NXPE3: variants seen among roughly 807,000 people sequenced by gnomAD.
NXPE3 encodes the protein neurexophilin and PC-esterase domain family member 3.
A neutral mutation model predicts 46.1 loss-of-function variants in NXPE3; 26 were observed. That is an observed-to-expected ratio of 0.56 (90% CI 0.41 to 0.78). The LOEUF (loss-of-function observed/expected upper bound fraction) is 0.78, where lower values mean the gene tolerates loss of function less well. Ranked by LOEUF, NXPE3 falls within the 30% of genes least tolerant of loss-of-function variation. NXPE3 has a pLI of 0.00. For synonymous variants in NXPE3, 272 were observed against 257.9 expected, an observed-to-expected ratio of 1.05 and a Z score of -0.52; for missense variants, 620 against 686.0, an observed-to-expected ratio of 0.90 and a Z score of 1.07.
At chr3:101,814,196 T>C (rs1378237343) in intron 6 of NXPE3, among the ~76,000 whole-genome samples, 1 of 152,186 alleles carries the variant, frequency 6.6e-6, no homozygotes, top group African/African-American at 2.4e-5. Flanking sequence ...TTCTAGTAAA[T>C]GTTTTCTGTG....
Position 101,821,777 on chromosome 3 carries a change from C to G in NXPE3, c.1503C>G (p.Tyr501Ter), listed in dbSNP as rs1942268526. Residue 501 changes from tyrosine to a stop codon, truncating the protein, a stop_gained, in exon 8 of 8, where the codon TAC (tyrosine) becomes TAG (stop). Transcript: ENST00000273347. LOFTEE classifies it high-confidence loss of function. ...TGAGCCTTTTCAACAGCGACTGGTA[C>G]AACTTTCAGCTGGACACCATCCTTC... The part of the protein sequence containing the change: ...PEVSLFNSDW[Y>*]NFQLDTILRR... The G allele has an allele frequency of 1.9e-6, 3 of 1,614,084 alleles. No homozygotes were observed. The highest frequency in any genetic ancestry group is 1.1e-5 in the South Asian group (1 of 91,084).
intron 6 of NXPE3, among the ~76,000 whole-genome samples, chr3:101,810,445 A>G (rs1048318026): frequency 6.6e-6 from 1 of 152,210 alleles, no homozygotes; most frequent in African/African-American, 2.4e-5. Flanking sequence ...GCTCTTACAT[A>G]ATCTCCTTCC....
At chr3:101,809,704 C>T (rs186891966) in intron 6 of NXPE3, among the ~76,000 whole-genome samples, 170 of 152,226 alleles carry the variant, frequency 1.1e-3, no homozygotes, top group African/African-American at 3.9e-3. Context: ...TAATCCAATC[C>T]AATTCAATCA....
At chr3:101,819,297 G>C (rs572317997) in intron 7 of NXPE3, among the ~76,000 whole-genome samples, 15 of 152,178 alleles carry the variant, frequency 9.9e-5, no homozygotes, top group African/African-American at 3.4e-4. Flanking sequence ...ATGGGTGCAC[G>C]TACTAAGTGA....
chr3:101,810,667 T>G lies in NXPE3; in HGVS notation c.922+3541T>G, dbSNP rs142637807. On this transcript the variant is annotated intron_variant, in intron 6 of 7. Coordinates refer to ENST00000273347, the MANE Select transcript of NXPE3 (RefSeq NM_145037.4). ...GTGAGGGAGATTCTTTGTTGTTGGT[T>G]TTAAAGATGAAGGGGGCCACATGGC... is the stretch of plus-strand genomic sequence containing the variant. Among the ~76,000 whole-genome samples the G allele has an allele frequency of 2.0e-3, 301 of 152,258 alleles. 1 individual carries two copies. The highest frequency in any genetic ancestry group is 3.5e-3 in the Non-Finnish European group (240 of 68,008).
chr3:101,783,157 G>C (rs1381612239), intron 3 of NXPE3, among the ~76,000 whole-genome samples: 2 of 152,142 alleles, frequency 1.3e-5, no homozygotes, highest in Non-Finnish European at 2.9e-5. Context: ...CGCCTCCCAG[G>C]TTCACGCTGT....
intron 6 of NXPE3, among the ~76,000 whole-genome samples, chr3:101,812,911 A>G (rs73143875): frequency 0.08 from 12,150 of 151,202 alleles, 676 homozygotes; most frequent in Non-Finnish European, 0.11. Flanking sequence ...TTCTATCTAT[A>G]TAGCATTCTT....
intron 1 of NXPE3, among the ~76,000 whole-genome samples, chr3:101,780,771 T>C (rs1939771451): frequency 6.6e-6 from 1 of 152,214 alleles, no homozygotes; most frequent in African/African-American, 2.4e-5. Flanking sequence ...TTATTACTTC[T>C]CCACTTGCTA....
rs1026393367 is a variant in NXPE3 at position 101,779,236 on chromosome 3, C to G, written c.-586C>G. On this transcript the variant is annotated 5_prime_UTR_variant, in exon 1 of 8. Transcript: ENST00000273347. ...GAGGAGACGTCGCCGGGTGAGGAAG[C>G]GGGGGGCTAGCGGCCTGGCGCTGCG... The G allele has an allele frequency of 6.6e-6, 1 of 152,222 alleles. No individual in the cohort carries two copies. The highest frequency in any genetic ancestry group is 2.4e-5 in the African/African-American group (1 of 41,446). The allele number at this position is 152,222 out of a possible 1,614,324, so 9.4% of individuals were successfully genotyped here. A position where few individuals can be genotyped will look rare whatever the true frequency, so the allele number is the denominator to read the frequency against.
Position 101,827,069 on chromosome 3 carries a change from T to C in NXPE3, c.*5115T>C, listed in dbSNP as rs1287989423. On this transcript the variant is annotated 3_prime_UTR_variant, in exon 8 of 8. Coordinates refer to ENST00000273347, the MANE Select transcript of NXPE3 (RefSeq NM_145037.4). ...TAAATAAATAAAAAATAAAAAAGTG[T>C]GAACTTAAATATATTTATATGTGTG... The C allele has an allele frequency of 6.6e-6, 1 of 152,134 alleles. No individual in the cohort carries two copies. The highest frequency in any genetic ancestry group is 1.5e-5 in the Non-Finnish European group (1 of 68,032). The allele number at this position is 152,134 out of a possible 1,614,324, so 9.4% of individuals were successfully genotyped here.
At chr3:101,820,432 TG>T (rs1942193370) in intron 7 of NXPE3, among the ~76,000 whole-genome samples, 2 of 152,128 alleles carry the variant, frequency 1.3e-5, no homozygotes, top group South Asian at 4.1e-4. Flanking sequence ...TTGGTGGAAG[TG>T]TAAATTAATT....
At chr3:101,788,816 A>G (rs1041212977) in intron 4 of NXPE3, among the ~76,000 whole-genome samples, 2 of 152,130 alleles carry the variant, frequency 1.3e-5, no homozygotes, top group African/African-American at 4.8e-5. Context: ...GGGTTTTGCC[A>G]TGTTGGCCAG....
At chr3:101,805,335 A>G (rs1336085702) in intron 5 of NXPE3, among the ~76,000 whole-genome samples, 1 of 151,518 alleles carries the variant, frequency 6.6e-6, no homozygotes, top group Non-Finnish European at 1.5e-5. Flanking sequence ...ATGCTTACTC[A>G]GTGTGTTTGG....
At chr3:101,794,611 G>A (rs908821303) in intron 4 of NXPE3, among the ~76,000 whole-genome samples, 26 of 152,106 alleles carry the variant, frequency 1.7e-4, no homozygotes, top group African/African-American at 6.0e-4. Context: ...TTACTGCATT[G>A]GTTTTGTGAA....
At chr3:101,786,128 CTG>C (rs1940160728) in intron 4 of NXPE3, among the ~76,000 whole-genome samples, 1 of 152,104 alleles carries the variant, frequency 6.6e-6, no homozygotes, top group Non-Finnish European at 1.5e-5. Context: ...GTAGATGAGT[CTG>C]TGTTGGAGAT....
rs897060771 is a variant in NXPE3, at chr3:101,825,990, G to A, written c.*4036G>A. 1 of 152,100 alleles carries A rather than the reference G, an allele frequency of 6.6e-6. No individual in the cohort carries two copies. Among genetic ancestry groups the A allele is most frequent in the African/African-American group, 2.4e-5 (1 of 41,428 alleles). 9.4% of individuals were successfully genotyped at this position (152,100 alleles called of 1,614,324 possible). A position where few individuals can be genotyped will look rare whatever the true frequency, so the allele number is the denominator to read the frequency against. On this transcript the variant is annotated 3_prime_UTR_variant, in exon 8 of 8. Coordinates refer to ENST00000273347, the MANE Select transcript of NXPE3 (RefSeq NM_145037.4). ...TCAGCGAATGCAAAACAGACCTTTGGTGTTCCAGTATGATTCATTTTGCCA... is the reference window on the plus strand; with the variant it reads ...TCAGCGAATGCAAAACAGACCTTTGATGTTCCAGTATGATTCATTTTGCCA...
chr3:101,796,624 C>A (rs1940843973), intron 4 of NXPE3, among the ~76,000 whole-genome samples: 1 of 152,144 alleles, frequency 6.6e-6, no homozygotes, highest in Non-Finnish European at 1.5e-5. Flanking sequence ...GAAAGGTAAT[C>A]AGTAAGTTAA....
intron 1 of NXPE3, chr3:101,779,800 C>T (rs1939710455): frequency 6.6e-6 from 1 of 152,604 alleles, no homozygotes; most frequent in Non-Finnish European, 1.5e-5. Context: ...TCTCTCGGCT[C>T]ATCGCTGCTC....
At chr3:101,783,456 T>C (rs914459568) in intron 3 of NXPE3, among the ~76,000 whole-genome samples, 1 of 152,338 alleles carries the variant, frequency 6.6e-6, no homozygotes, top group East Asian at 1.9e-4. Flanking sequence ...AGTGCTCTAC[T>C]TACAGCACAG....
Sources: allele counts gnomAD v4.1 joint callset (sites outside exome capture counted in the v4.1 genomes callset), GRCh38; gene constraint gnomAD v4.1.1; transcripts MANE v1.5; gene names NCBI Gene and HGNC (gene_info 2026-07-23, HGNC 2026-07-21).